Variants in AMN1 observed in about 807,000 individuals in gnomAD.
AMN1 encodes protein AMN1 homolog.
Under a neutral mutation model 33.0 loss-of-function variants are expected in AMN1, and 20 were observed. The ratio of observed to expected loss-of-function variants is 0.61; its 90% CI spans 0.43 to 0.88. The LOEUF (loss-of-function observed/expected upper bound fraction) is 0.88, where lower values mean the gene tolerates loss of function less well. AMN1 is among the 40% of genes least tolerant of loss of function. The pLI, the probability that AMN1 is intolerant of heterozygous loss-of-function variation, is 0.00. For synonymous variants in AMN1, 114 were observed against 111.9 expected (o/e 1.02, Z -0.12); for missense variants, 246 against 307.4 (o/e 0.80, Z 1.49).
chr12:31,725,037 A>G lies in AMN1; in HGVS notation c.38+3934T>C, dbSNP rs547141778. On this transcript the variant is annotated intron_variant, in intron 1 of 6. Transcript: ENST00000281471. ...ATAGAGGAATGTTAGGCAAGAGTATACATAAGTTTCTGGGATATAAACGCC... is the reference window on the plus strand; with the variant it reads ...ATAGAGGAATGTTAGGCAAGAGTATGCATAAGTTTCTGGGATATAAACGCC... Among the ~76,000 whole-genome samples, 12 of 152,326 alleles carry G rather than the reference A, an allele frequency of 7.9e-5. No individual in the cohort carries two copies. The South Asian group carries it at 2.5e-3, about 32-fold the overall frequency.
chr12:31,703,696 A>C (rs1939103239), intron 2 of AMN1, among the ~76,000 whole-genome samples: 1 of 152,240 alleles, frequency 6.6e-6, no homozygotes, highest in African/African-American at 2.4e-5. Context: ...CAACAGGATC[A>C]GATCACATAT....
intron 1 of AMN1, among the ~76,000 whole-genome samples, chr12:31,725,343 A>G (rs1391625695): frequency 6.6e-6 from 1 of 152,224 alleles, no homozygotes; most frequent in Non-Finnish European, 1.5e-5. Flanking sequence ...TCATTTCTCA[A>G]GACAAAATGA....
intron 5 of AMN1, among the ~76,000 whole-genome samples, chr12:31,696,054 C>A (rs1416660599): frequency 6.6e-6 from 1 of 151,390 alleles, no homozygotes; most frequent in African/African-American, 2.4e-5. Context: ...ACCAGCCTAG[C>A]CAACATGGCA....
At chr12:31,676,378 G>A (rs1937695741) in intron 6 of AMN1, among the ~76,000 whole-genome samples, 1 of 151,500 alleles carries the variant, frequency 6.6e-6, no homozygotes, top group African/African-American at 2.4e-5. Flanking sequence ...GGGAGGCCAA[G>A]GCAGGTGGAT....
At chr12:31,720,977 T>C (rs1939859488) in intron 1 of AMN1, among the ~76,000 whole-genome samples, 1 of 152,222 alleles carries the variant, frequency 6.6e-6, no homozygotes, top group Non-Finnish European at 1.5e-5. Context: ...GGCTCATATC[T>C]ATAATCCCAG....
At chr12:31,712,627 T>C (rs754997240) in intron 1 of AMN1, among the ~76,000 whole-genome samples, 6 of 152,168 alleles carry the variant, frequency 3.9e-5, no homozygotes, top group Admixed American at 6.6e-5. Flanking sequence ...ATTCATCCAT[T>C]GATGGGCACT....
chr12:31,672,227 T>G lies in AMN1; in HGVS notation c.*77A>C. Reference sequence around the variant, plus strand: ...AAAATAGTGTTAACATTAAGTAGAATGCAAATCTCTATAGATGGTTTCCTG... The same window carrying G: ...AAAATAGTGTTAACATTAAGTAGAAGGCAAATCTCTATAGATGGTTTCCTG... On this transcript the variant is annotated 3_prime_UTR_variant, in exon 7 of 7. Coordinates refer to ENST00000281471, the MANE Select transcript of AMN1 (RefSeq NM_001113402.2). 1.1e-6 allele frequency: 1 copy of G among 951,288 alleles called. No homozygotes were observed. The highest frequency in any genetic ancestry group is 1.6e-6 in the Non-Finnish European group (1 of 609,102). 58.9% of individuals were successfully genotyped at this position (951,288 alleles called of 1,614,324 possible).
At chr12:31,680,078 G>A (rs117912946) in intron 6 of AMN1, among the ~76,000 whole-genome samples, 3,127 of 141,552 alleles carry the variant, frequency 0.022, 49 homozygotes, top group Middle Eastern at 0.052. Context: ...AACCAAGATC[G>A]CACCACTACA....
At chr12:31,675,979 A>G (rs1707422176) in intron 6 of AMN1, among the ~76,000 whole-genome samples, 1 of 151,950 alleles carries the variant, frequency 6.6e-6, no homozygotes, top group Non-Finnish European at 1.5e-5. Context: ...ATTCACTAAA[A>G]AAATAGAATA....
intron 6 of AMN1, among the ~76,000 whole-genome samples, chr12:31,688,402 A>G (rs1433796273): frequency 1.3e-5 from 2 of 152,224 alleles, no homozygotes; most frequent in Non-Finnish European, 2.9e-5. Flanking sequence ...TGCCATCATA[A>G]TCTTCTTCAT....
intron 6 of AMN1, among the ~76,000 whole-genome samples, chr12:31,684,637 A>AT (rs919562204): frequency 6.6e-6 from 1 of 151,888 alleles, no homozygotes; most frequent in Non-Finnish European, 1.5e-5. Context: ...TGCCCGGCTA[A>AT]TTTTTTTGTA....
intron 5 of AMN1, among the ~76,000 whole-genome samples, chr12:31,693,240 G>A (rs1322456927): frequency 6.6e-6 from 1 of 151,898 alleles, no homozygotes; most frequent in Non-Finnish European, 1.5e-5. Flanking sequence ...ACCACCTCTG[G>A]TTAATTTTTT....
chr12:31,693,953 G>A lies in AMN1; in HGVS notation c.591+3408C>T, dbSNP rs1372452386. Reference sequence around the variant, plus strand: ...CCCAAAGTGCTGAAATTACAGAAGTGAGCCACCACATTCAGCCTCTTGTCA... The same window carrying A: ...CCCAAAGTGCTGAAATTACAGAAGTAAGCCACCACATTCAGCCTCTTGTCA... On this transcript the variant is annotated intron_variant, in intron 5 of 6. Transcript: ENST00000281471. 3.9e-5 allele frequency among the ~76,000 whole-genome samples: 6 copies of A among 152,104 alleles called. No homozygotes were observed. In the South Asian group the frequency reaches 8.3e-4, roughly 21 times the overall value.
At chr12:31,703,852 G>A (rs368830786) in intron 2 of AMN1, among the ~76,000 whole-genome samples, 13 of 152,282 alleles carry the variant, frequency 8.5e-5, no homozygotes, top group East Asian at 3.9e-4. Context: ...ATATTATGCC[G>A]TGATTAAGAA....
At chr12:31,685,308 C>T (rs142419136) in intron 6 of AMN1, among the ~76,000 whole-genome samples, 5 of 152,004 alleles carry the variant, frequency 3.3e-5, no homozygotes, top group Non-Finnish European at 5.9e-5. Context: ...GGATTACAGG[C>T]GTGAGCCACT....
intron 6 of AMN1, among the ~76,000 whole-genome samples, chr12:31,681,789 C>T (rs1938027233): frequency 6.6e-6 from 1 of 152,186 alleles, no homozygotes; most frequent in African/African-American, 2.4e-5. Context: ...GATCCTCCCA[C>T]CTCAGCCTCC....
chr12:31,716,947 A>G (rs548443013), intron 1 of AMN1, among the ~76,000 whole-genome samples: 9 of 152,316 alleles, frequency 5.9e-5, no homozygotes, highest in Non-Finnish European at 7.3e-5. Flanking sequence ...GTTTTCTTCT[A>G]CAAGAATTCA....
chr12:31,676,735 C>A (rs974192346), intron 6 of AMN1, among the ~76,000 whole-genome samples: 5 of 151,774 alleles, frequency 3.3e-5, no homozygotes, highest in African/African-American at 1.2e-4. Flanking sequence ...ACATTTGTCA[C>A]TATTCTGTTT....
At chr12:31,688,342 T>A (rs1938357259) in intron 6 of AMN1, among the ~76,000 whole-genome samples, 1 of 152,252 alleles carries the variant, frequency 6.6e-6, no homozygotes, top group Non-Finnish European at 1.5e-5. Flanking sequence ...TGAAATTTTC[T>A]TATTGTTTAC....
Sources: allele counts gnomAD v4.1 joint callset (sites outside exome capture counted in the v4.1 genomes callset), GRCh38; gene constraint gnomAD v4.1.1; transcripts MANE v1.5; gene names NCBI Gene and HGNC (gene_info 2026-07-23, HGNC 2026-07-21).